Variants in DLG2 observed in about 807,000 individuals in gnomAD.
The protein encoded by DLG2 is discs large MAGUK scaffold protein 2.
DLG2 carries 45 observed loss-of-function variants against 132.5 expected under a neutral mutation model. The ratio of observed to expected loss-of-function variants is 0.34; its 90% CI spans 0.27 to 0.44. DLG2 has a LOEUF of 0.44. Among genes scored for constraint, DLG2 ranks in the 20% least tolerant of loss-of-function variants. DLG2 has a pLI of 1.00. For synonymous variants in DLG2, 424 were observed against 419.6 expected (o/e 1.01, Z -0.13); for missense variants, 1,045 against 1,196.9 (o/e 0.87, Z 1.87).
intron 3 of DLG2, among the ~76,000 whole-genome samples, chr11:85,543,519 G>C (rs1598401267): frequency 6.6e-6 from 1 of 152,134 alleles, no homozygotes; most frequent in South Asian, 2.1e-4. Flanking sequence ...GGATTGTCGG[G>C]TCAAATGGTA....
At chr11:85,056,554 A>G (rs2063482610) in intron 6 of DLG2, among the ~76,000 whole-genome samples, 1 of 152,042 alleles carries the variant, frequency 6.6e-6, no homozygotes, top group African/African-American at 2.4e-5. Flanking sequence ...GACTCTGAGT[A>G]TTGAAAGAGA....
At chr11:85,466,442 G>A (rs1240176918) in intron 3 of DLG2, among the ~76,000 whole-genome samples, 1 of 152,152 alleles carries the variant, frequency 6.6e-6, no homozygotes, top group Non-Finnish European at 1.5e-5. Flanking sequence ...TATGGTTTTA[G>A]GTCTAATATG....
chr11:83,496,567 T>G (rs767311790), intron 21 of DLG2, among the ~76,000 whole-genome samples: 8 of 152,110 alleles, frequency 5.3e-5, no homozygotes, highest in Non-Finnish European at 1.0e-4. Context: ...ACAGGTAAAT[T>G]AATACATTGC....
At chr11:83,619,011 A>G (rs144955336) in intron 19 of DLG2, among the ~76,000 whole-genome samples, 220 of 152,284 alleles carry the variant, frequency 1.4e-3, no homozygotes, top group African/African-American at 5.1e-3. Flanking sequence ...ACAGCATCCT[A>G]TGTAGTATTT....
At chr11:84,658,879 A>T (rs1430481031) in intron 6 of DLG2, among the ~76,000 whole-genome samples, 1 of 152,166 alleles carries the variant, frequency 6.6e-6, no homozygotes, top group East Asian at 1.9e-4. Context: ...CTTTATAGCA[A>T]TGCACACTGG....
At chr11:85,101,573 C>CT (rs2070850974) in intron 6 of DLG2, among the ~76,000 whole-genome samples, 1 of 152,026 alleles carries the variant, frequency 6.6e-6, no homozygotes, top group Non-Finnish European at 1.5e-5. Context: ...CTTCCAGGTA[C>CT]TTTTTTTGAC....
chr11:85,060,279 T>A (rs1364216711), intron 6 of DLG2, among the ~76,000 whole-genome samples: 1 of 151,114 alleles, frequency 6.6e-6, no homozygotes. Flanking sequence ...ATGACAAGAT[T>A]TTCATTTTTT....
intron 3 of DLG2, among the ~76,000 whole-genome samples, chr11:85,372,655 T>C (rs1257934183): frequency 6.6e-6 from 1 of 152,242 alleles, no homozygotes; most frequent in Non-Finnish European, 1.5e-5. Context: ...TAGGGAACTC[T>C]AAGGCTACTA....
At chr11:85,218,909 T>C (rs1225076467) in intron 4 of DLG2, among the ~76,000 whole-genome samples, 5 of 152,202 alleles carry the variant, frequency 3.3e-5, no homozygotes, top group Admixed American at 3.3e-4. Flanking sequence ...ATCATGTCCT[T>C]TGCAGCAACG....
intron 6 of DLG2, among the ~76,000 whole-genome samples, chr11:84,674,628 C>T (rs1382173528): frequency 6.6e-6 from 1 of 152,106 alleles, no homozygotes; most frequent in East Asian, 1.9e-4. Context: ...CATGTTCTGT[C>T]ACTTTAGTTG....
intron 4 of DLG2, among the ~76,000 whole-genome samples, chr11:85,203,820 TA>T (rs2081645800): frequency 6.6e-6 from 1 of 151,960 alleles, no homozygotes; most frequent in South Asian, 2.1e-4. Context: ...TACCACACAT[TA>T]AAAACATCAT....
intron 7 of DLG2, among the ~76,000 whole-genome samples, chr11:84,361,597 C>T (rs1436444427): frequency 1.3e-5 from 2 of 151,936 alleles, no homozygotes; most frequent in African/African-American, 2.4e-5. Flanking sequence ...AAACGTATAT[C>T]TATACACAGA....
chr11:85,521,991 T>C (rs927344818), intron 3 of DLG2, among the ~76,000 whole-genome samples: 2 of 152,084 alleles, frequency 1.3e-5, no homozygotes, highest in Non-Finnish European at 2.9e-5. Context: ...TTTGCATAAG[T>C]AACAAGGAGC....
intron 14 of DLG2, among the ~76,000 whole-genome samples, chr11:83,956,461 G>T (rs1216553602): frequency 1.3e-5 from 2 of 152,212 alleles, no homozygotes; most frequent in Non-Finnish European, 2.9e-5. Flanking sequence ...CTCCCCTCCA[G>T]GAGACATGCC....
intron 6 of DLG2, among the ~76,000 whole-genome samples, chr11:84,743,274 C>T (rs1468392087): frequency 6.6e-6 from 1 of 152,098 alleles, no homozygotes; most frequent in Non-Finnish European, 1.5e-5. Flanking sequence ...AAATTCATAT[C>T]TATTAACACT....
chr11:85,399,115 A>C (rs577255163), intron 3 of DLG2, among the ~76,000 whole-genome samples: 23 of 152,244 alleles, frequency 1.5e-4, no homozygotes, highest in African/African-American at 4.8e-4. Context: ...CAAAAATCAC[A>C]AGCATTCTTA....
At chr11:83,579,864 G>A (rs965013831) in intron 19 of DLG2, among the ~76,000 whole-genome samples, 1 of 152,040 alleles carries the variant, frequency 6.6e-6, no homozygotes, top group African/African-American at 2.4e-5. Flanking sequence ...CAGCTACTCG[G>A]GAGGCTGAGG....
intron 6 of DLG2, among the ~76,000 whole-genome samples, chr11:84,585,688 T>C (rs2099527983): frequency 6.6e-6 from 1 of 152,256 alleles, no homozygotes; most frequent in Admixed American, 6.5e-5. Flanking sequence ...TAAATGTTTA[T>C]ACATCCTTTT....
At chr11:84,764,350 T>C (rs145689866) in intron 6 of DLG2, among the ~76,000 whole-genome samples, 113 of 152,298 alleles carry the variant, frequency 7.4e-4, no homozygotes, top group African/African-American at 2.7e-3. Context: ...ATTTCAGATG[T>C]TTCCACTTGT....
Sources: gnomAD v4.1 joint callset for allele counts (sites outside exome capture counted in the v4.1 genomes callset) on GRCh38, gnomAD v4.1.1 for gene constraint, MANE v1.5 for transcripts, NCBI Gene and HGNC (gene_info 2026-07-23, HGNC 2026-07-21) for gene names.